Variants in BAZ1A observed in about 807,000 individuals in gnomAD.
The protein encoded by BAZ1A is bromodomain adjacent to zinc finger domain 1A, also known as bromodomain adjacent to zinc finger domain protein 1A.
Under a neutral mutation model 185.2 loss-of-function variants are expected in BAZ1A, and 50 were observed. That is an observed-to-expected ratio of 0.27 (90% CI 0.22 to 0.34). BAZ1A has a LOEUF of 0.34. Ranked by LOEUF, BAZ1A falls within the 10% of genes least tolerant of loss-of-function variation. The probability of loss-of-function intolerance (pLI) is 1.00; values close to 1 mark genes in which losing one functional copy is unlikely to be tolerated. For missense variants in BAZ1A, 1,356 were observed against 1,839.9 expected, an observed-to-expected ratio of 0.74 and a Z score of 4.81; for synonymous variants, 571 against 615.6, an observed-to-expected ratio of 0.93 and a Z score of 1.07.
At chr14:34,760,532 C>A (rs1371624796) in intron 24 of BAZ1A, among the ~76,000 whole-genome samples, 1 of 141,812 alleles carries the variant, frequency 7.1e-6, no homozygotes, top group Non-Finnish European at 1.5e-5. Context: ...TTATGTTTAG[C>A]TTCATTTAAA....
chr14:34,787,448 G>A (rs1880552176), intron 12 of BAZ1A, among the ~76,000 whole-genome samples: 1 of 151,902 alleles, frequency 6.6e-6, no homozygotes, highest in Non-Finnish European at 1.5e-5. Context: ...ACTTTGGGAG[G>A]CTGAGGCGGG....
At chr14:34,784,508 GT>G (rs1048716822) in intron 14 of BAZ1A, among the ~76,000 whole-genome samples, 11 of 150,038 alleles carry the variant, frequency 7.3e-5, no homozygotes, top group African/African-American at 2.5e-4. Flanking sequence ...TGGTTTTCAA[GT>G]TTTTTTTTGT....
At chr14:34,784,410 C>T (rs1395146755) in intron 14 of BAZ1A, among the ~76,000 whole-genome samples, 2 of 144,646 alleles carry the variant, frequency 1.4e-5, no homozygotes, top group African/African-American at 2.6e-5. Flanking sequence ...ACTTTGAATC[C>T]AATTTGCAGC....
chr14:34,786,411 C>T, intron 12 of BAZ1A, 190 bp from the exon 13 acceptor site: 1 of 505,556 alleles, frequency 2.0e-6, no homozygotes, highest in Non-Finnish European at 3.5e-6. Flanking sequence ...CTAAACCAAG[C>T]ACTACACACT....
intron 4 of BAZ1A, chr14:34,816,815 AT>A (rs2042013281): frequency 2.2e-6 from 1 of 446,822 alleles, no homozygotes; most frequent in Non-Finnish European, 4.5e-6. Flanking sequence ...AGAATTTGTG[AT>A]TGTAGATCAA....
intron 12 of BAZ1A, among the ~76,000 whole-genome samples, chr14:34,791,249 C>T (rs539262741): frequency 4.5e-4 from 68 of 152,042 alleles, no homozygotes; most frequent in African/African-American, 1.5e-3. Flanking sequence ...TCCTTTTTAC[C>T]GTACTTTTGT....
intron 9 of BAZ1A, among the ~76,000 whole-genome samples, chr14:34,798,090 G>A (rs373053294): frequency 4.6e-5 from 7 of 152,386 alleles, no homozygotes; most frequent in Admixed American, 6.5e-5. Context: ...GTCTGAGATC[G>A]ACCTGCGAGG....
intron 12 of BAZ1A, among the ~76,000 whole-genome samples, chr14:34,788,023 GT>G (rs559620629): frequency 4.5e-4 from 64 of 143,024 alleles, no homozygotes; most frequent in Admixed American, 7.7e-4. Context: ...GTTCATTTTT[GT>G]TTTTTTTTTT....
At chr14:34,872,930 A>ACAAAAAACAAAAAC (rs1451102345) in intron 2 of BAZ1A, among the ~76,000 whole-genome samples, 1 of 109,328 alleles carries the variant, frequency 9.1e-6, no homozygotes, top group Non-Finnish European at 2.3e-5. Flanking sequence ...AAAAAAAAAA[A>ACAAAAAACAAAAAC]AAAAAAAAAA....
intron 2 of BAZ1A, among the ~76,000 whole-genome samples, chr14:34,873,254 C>T (rs569982432): frequency 6.6e-6 from 1 of 152,320 alleles, no homozygotes; most frequent in East Asian, 1.9e-4. Context: ...TGCCTCCTTA[C>T]ACGCGACGTT....
At chr14:34,757,609 G>A (rs1275991403) in intron 25 of BAZ1A, among the ~76,000 whole-genome samples, 1 of 151,902 alleles carries the variant, frequency 6.6e-6, no homozygotes, top group Admixed American at 6.6e-5. Context: ...AGGTTGCGGT[G>A]AGCCAAGATC....
chr14:34,845,599 G>A (rs931042085), intron 3 of BAZ1A, among the ~76,000 whole-genome samples: 2 of 152,016 alleles, frequency 1.3e-5, no homozygotes, highest in South Asian at 2.1e-4. Flanking sequence ...AGTGGCTCAC[G>A]CCTGTAATCC....
rs767485602 is a variant in BAZ1A, at chr14:34,874,442, G to C, written c.113+50C>G. The C allele has an allele frequency of 2.7e-6, 4 of 1,490,144 alleles. No individual in the cohort carries two copies. The African/African-American group carries it at 4.2e-5, about 16-fold the overall frequency. The allele number at this position is 1,490,144 out of a possible 1,614,324, so 92.3% of individuals were successfully genotyped here. On this transcript the variant is annotated intron_variant, in intron 2 of 26. Coordinates refer to ENST00000360310, the MANE Select transcript of BAZ1A (RefSeq NM_013448.3). This position sits in a 1 kb window ranked among gnomAD's most constrained non-coding sequence, Gnocchi z 4.7. ...AAGGAGAGAGACAAAAGAGCGCTGC[G>C]GGGGGAGTCCCCACACCCCCCGCGG...
chr14:34,860,723 TC>T (rs2042756129), intron 3 of BAZ1A, among the ~76,000 whole-genome samples: 1 of 150,568 alleles, frequency 6.6e-6, no homozygotes. Flanking sequence ...CCTGATGAAG[TC>T]CCGTCTCTAC....
intron 25 of BAZ1A, 51 bp downstream of exon 25, chr14:34,758,653 G>A (rs777435394): frequency 6.4e-6 from 10 of 1,571,892 alleles, no homozygotes; most frequent in Non-Finnish European, 7.8e-6. Context: ...TTATCACGTG[G>A]ACTAAATCAG....
chr14:34,808,264 A>G (rs1456442096), intron 5 of BAZ1A, among the ~76,000 whole-genome samples: 1 of 151,844 alleles, frequency 6.6e-6, no homozygotes, highest in Non-Finnish European at 1.5e-5. Context: ...GAGGCTGAGG[A>G]GGGTGGATCA....
intron 4 of BAZ1A, chr14:34,816,877 C>T (rs1453293086): frequency 1.1e-5 from 5 of 434,828 alleles, no homozygotes; most frequent in Non-Finnish European, 1.8e-5. Flanking sequence ...TAATTACACA[C>T]AATGTGATCT....
chr14:34,757,718 T>C (rs1227661051), intron 25 of BAZ1A, among the ~76,000 whole-genome samples: 2 of 150,532 alleles, frequency 1.3e-5, no homozygotes, highest in African/African-American at 4.9e-5. Flanking sequence ...TAGAAGGGAC[T>C]GAGCTGTCTA....
intron 3 of BAZ1A, chr14:34,845,184 A>T (rs1164526568): frequency 6.6e-6 from 1 of 151,738 alleles, no homozygotes; most frequent in African/African-American, 2.4e-5. Flanking sequence ...AATGATGAGT[A>T]GTTTTGTATT....
Sources: allele counts gnomAD v4.1 joint callset (sites outside exome capture counted in the v4.1 genomes callset), GRCh38; gene constraint gnomAD v4.1.1; non-coding constraint Gnocchi (gnomAD v3.1); transcripts MANE v1.5; gene names NCBI Gene and HGNC (gene_info 2026-07-23, HGNC 2026-07-21).